VPS41: variants seen among roughly 807,000 people sequenced by gnomAD.
The protein encoded by VPS41 is vacuolar protein sorting-associated protein 41 homolog.
VPS41 carries 85 observed loss-of-function variants against 130.9 expected under a neutral mutation model. That is an observed-to-expected ratio of 0.65 (90% CI 0.55 to 0.78). The LOEUF (loss-of-function observed/expected upper bound fraction) is 0.78, where lower values mean the gene tolerates loss of function less well. Ranked by LOEUF, VPS41 falls within the 30% of genes least tolerant of loss-of-function variation. The pLI, the probability that VPS41 is intolerant of heterozygous loss-of-function variation, is 0.00. For synonymous variants in VPS41, 335 were observed against 332.9 expected (o/e 1.01, Z -0.07); for missense variants, 874 against 1,018.7 (o/e 0.86, Z 1.93).
chr7:38,758,399 T>C lies in VPS41; in HGVS notation c.1505A>G (p.Lys502Arg), dbSNP rs1189238408. 1 of 1,613,410 alleles carries C rather than the reference T, an allele frequency of 6.2e-7. No homozygotes were observed. The highest frequency in any genetic ancestry group is 2.2e-5 in the East Asian group (1 of 44,830). ...VIVQAVRDHL[K>R]KDSQNKTLLK... ...TAAAGTCTTGTTCTGACTATCTTTC[T>C]TCAAATGATCCCGAACTGCTTGAAC... Residue 502 changes from lysine (K) to arginine (R), a missense_variant, in exon 18 of 29, where the codon AAG becomes AGG. Physicochemically the swap from Lys to Arg is conservative, Grantham distance 26. Transcript: ENST00000310301.
rs145833481 is a variant in VPS41, at chr7:38,905,710, T to C, written c.21+3444A>G. Among the ~76,000 whole-genome samples the C allele has an allele frequency of 3.3e-5, 5 of 152,314 alleles. No homozygotes were observed. The East Asian group carries it at 7.7e-4, about 23-fold the overall frequency. ...GGAGATTACTGGCATTTATGATACATGATACCAAGAAAAAAATGTATGCCA... is the reference window on the plus strand; with the variant it reads ...GGAGATTACTGGCATTTATGATACACGATACCAAGAAAAAAATGTATGCCA... On this transcript the variant is annotated intron_variant, in intron 1 of 28. Coordinates refer to ENST00000310301, the MANE Select transcript of VPS41 (RefSeq NM_014396.4).
intron 2 of VPS41, among the ~76,000 whole-genome samples, chr7:38,894,650 A>G (rs1159084130): frequency 6.6e-6 from 1 of 152,202 alleles, no homozygotes; most frequent in Non-Finnish European, 1.5e-5. Context: ...ATACAAGGCA[A>G]GCAACAAGAC....
Position 38,825,918 on chromosome 7 carries a change from T to C in VPS41, c.321+4336A>G, listed in dbSNP as rs1785265185. ...TGATGCAGAGAAATGAGGACGGAGGTGGCCAGAGTACTATATGACCTTCCC... is the reference window on the plus strand; with the variant it reads ...TGATGCAGAGAAATGAGGACGGAGGCGGCCAGAGTACTATATGACCTTCCC... On this transcript the variant is annotated intron_variant, in intron 5 of 28. Transcript: ENST00000310301. Among the ~76,000 whole-genome samples, 2 of 152,086 alleles carry C rather than the reference T, an allele frequency of 1.3e-5. 1 individual carries two copies. The highest frequency in any genetic ancestry group is 4.1e-4 in the South Asian group (2 of 4,826).
At chr7:38,764,362 GAT>G (rs1584382444) in intron 16 of VPS41, among the ~76,000 whole-genome samples, 1 of 152,206 alleles carries the variant, frequency 6.6e-6, no homozygotes, top group East Asian at 1.9e-4. Flanking sequence ...GGAGCCCAGA[GAT>G]GCGAGATGGC....
At position 38,765,631 on chromosome 7, in the gene VPS41, T is replaced by C. The variant is rs1230324776; in HGVS notation, c.1278A>G (p.Ala426=). 2.5e-6 allele frequency: 4 copies of C among 1,604,770 alleles called. No homozygotes were observed. In the Admixed American group the frequency reaches 5.2e-5, roughly 21 times the overall value. Residue 426 remains alanine (A), a synonymous_variant, in exon 16 of 29, where the codon GCA becomes GCG. Coordinates refer to ENST00000310301, the MANE Select transcript of VPS41 (RefSeq NM_014396.4). ...TATAAACTTCATATTCCCAGAGTGC[T>C]GCATTTTTCCCAAGAATTTTCTGGC... ...RKCQKILGKN[A]ALWEYEVYKF...
chr7:38,779,468 C>A (rs1784319403), intron 10 of VPS41, among the ~76,000 whole-genome samples: 1 of 152,154 alleles, frequency 6.6e-6, no homozygotes, highest in Non-Finnish European at 1.5e-5. Context: ...TTCGAGTACT[C>A]TCCCACTCAG....
intron 22 of VPS41, among the ~76,000 whole-genome samples, chr7:38,751,702 C>T (rs933695989): frequency 6.6e-6 from 1 of 152,014 alleles, no homozygotes; most frequent in Non-Finnish European, 1.5e-5. Context: ...GTAGGAGAAA[C>T]AAAGAAAAAC....
intron 7 of VPS41, among the ~76,000 whole-genome samples, chr7:38,808,352 T>C (rs981831285): frequency 6.6e-6 from 1 of 152,166 alleles, no homozygotes; most frequent in Non-Finnish European, 1.5e-5. Flanking sequence ...TATTGCTTGG[T>C]TTTTCATATC....
chr7:38,842,239 T>C (rs1234644117), intron 4 of VPS41, among the ~76,000 whole-genome samples: 5 of 152,046 alleles, frequency 3.3e-5, no homozygotes, highest in African/African-American at 1.2e-4. Context: ...CTCAAATCCA[T>C]CCTTTTCCCA....
intron 1 of VPS41, among the ~76,000 whole-genome samples, chr7:38,905,784 GT>G (rs1328215859): frequency 6.6e-6 from 1 of 151,842 alleles, no homozygotes; most frequent in African/African-American, 2.4e-5. Context: ...ATTTTTGGGG[GT>G]TTTTTTGTTG....
At chr7:38,859,462 C>T (rs1562613205) in intron 4 of VPS41, among the ~76,000 whole-genome samples, 1 of 152,028 alleles carries the variant, frequency 6.6e-6, no homozygotes. Context: ...GTCTCCTGTA[C>T]AGATGTATCA....
chr7:38,896,385 A>T (rs1354038759), intron 2 of VPS41, among the ~76,000 whole-genome samples: 1 of 152,254 alleles, frequency 6.6e-6, no homozygotes, highest in African/African-American at 2.4e-5. Context: ...CAGTAATGGA[A>T]ATCCTTATTA....
intron 17 of VPS41, among the ~76,000 whole-genome samples, chr7:38,761,352 T>G (rs954870482): frequency 9.5e-5 from 13 of 136,754 alleles, no homozygotes; most frequent in Non-Finnish European, 1.5e-5. Context: ...CTTGGCTCAC[T>G]GCAACCTCCG....
At chr7:38,830,599 G>A (rs932066681) in intron 4 of VPS41, among the ~76,000 whole-genome samples, 2 of 152,158 alleles carry the variant, frequency 1.3e-5, no homozygotes, top group African/African-American at 4.8e-5. Flanking sequence ...ATGCAAAGTT[G>A]AATGTGGGAT....
chr7:38,812,967 G>A (rs1238962495), intron 7 of VPS41, among the ~76,000 whole-genome samples: 1 of 152,072 alleles, frequency 6.6e-6, no homozygotes, highest in Non-Finnish European at 1.5e-5. Context: ...TTTGGGAAAC[G>A]GTTTGGCAAT....
chr7:38,820,142 G>T (rs1305663223), intron 6 of VPS41, among the ~76,000 whole-genome samples: 3 of 152,230 alleles, frequency 2.0e-5, no homozygotes, highest in South Asian at 2.1e-4. Flanking sequence ...CATCACTAAG[G>T]CTCGCTAAGT....
rs1235485760 is a variant in VPS41, at chr7:38,765,469, G to A, written c.1329+111C>T. The A allele has an allele frequency of 4.4e-6, 3 of 687,964 alleles. No homozygotes were observed. In the East Asian group the frequency reaches 9.2e-5, roughly 21 times the overall value. 42.6% of individuals were successfully genotyped at this position (687,964 alleles called of 1,614,324 possible). ...AAAAGTTTGATTTTTCTTTCCATCT[G>A]AGATAATAATCACGTCCTAAAAAAG... On this transcript the variant is annotated intron_variant, in intron 16 of 28. Coordinates refer to ENST00000310301, the MANE Select transcript of VPS41 (RefSeq NM_014396.4).
At chr7:38,726,644 T>C (rs1795550600) in intron 28 of VPS41, among the ~76,000 whole-genome samples, 1 of 152,238 alleles carries the variant, frequency 6.6e-6, no homozygotes, top group African/African-American at 2.4e-5. Flanking sequence ...CTGTTGTTGC[T>C]CATCTCTACA....
intron 14 of VPS41, among the ~76,000 whole-genome samples, chr7:38,769,793 G>A (rs1338304572): frequency 6.6e-6 from 1 of 152,114 alleles, no homozygotes; most frequent in Non-Finnish European, 1.5e-5. Context: ...CCTGGATTAG[G>A]AAGCCTCCTG....
Sources: gnomAD v4.1 joint callset for allele counts (sites outside exome capture counted in the v4.1 genomes callset) on GRCh38, gnomAD v4.1.1 for gene constraint, MANE v1.5 for transcripts, NCBI Gene and HGNC (gene_info 2026-07-23, HGNC 2026-07-21) for gene names.